The following PALM2AKAP2 variants were observed in gnomAD, a reference collection of about 807,000 sequenced individuals.
PALM2AKAP2 encodes PALM2 and AKAP2 fusion, also known as PALM2-AKAP2 fusion protein.
Under a neutral mutation model 71.5 loss-of-function variants are expected in PALM2AKAP2, and 37 were observed. That is an observed-to-expected ratio of 0.52 (90% CI 0.40 to 0.68). PALM2AKAP2 has a LOEUF of 0.68. Ranked by LOEUF, PALM2AKAP2 falls within the 30% of genes least tolerant of loss-of-function variation. The probability of loss-of-function intolerance (pLI) is 0.00; values close to 1 mark genes in which losing one functional copy is unlikely to be tolerated. For missense variants in PALM2AKAP2, 1,224 were observed against 1,191.8 expected (o/e 1.03, Z -0.40); for synonymous variants, 468 against 478.8 (o/e 0.98, Z 0.29).
chr9:110,044,532 A>G (rs1833563975), upstream of PALM2AKAP2, among the ~76,000 whole-genome samples: 1 of 149,926 alleles, frequency 6.7e-6, no homozygotes, highest in Non-Finnish European at 1.5e-5. Flanking sequence ...TTGTATTTTT[A>G]GTAGAGACGG....
intron 1 of PALM2AKAP2, among the ~76,000 whole-genome samples, chr9:109,712,335 A>G (rs912945374): frequency 6.6e-6 from 1 of 152,242 alleles, no homozygotes; most frequent in African/African-American, 2.4e-5. Flanking sequence ...CTTTTTGCTA[A>G]ACAGCAAGCT....
At chr9:109,738,929 T>C (rs1005411465) in intron 1 of PALM2AKAP2, among the ~76,000 whole-genome samples, 12 of 152,248 alleles carry the variant, frequency 7.9e-5, no homozygotes, top group Non-Finnish European at 1.3e-4. Flanking sequence ...GCCCAAAGGT[T>C]CAAAAATTGT....
At chr9:110,147,248 C>CAA (rs59763270) in intron 2 of PALM2AKAP2, among the ~76,000 whole-genome samples, 2,410 of 107,974 alleles carry the variant, frequency 0.022, 41 homozygotes, top group Non-Finnish European at 0.034. Flanking sequence ...GACTCTGTCT[C>CAA]AAAAAAAAAA....
At chr9:109,708,276 C>G (rs1828172804) in intron 1 of PALM2AKAP2, among the ~76,000 whole-genome samples, 1 of 152,122 alleles carries the variant, frequency 6.6e-6, no homozygotes, top group Non-Finnish European at 1.5e-5. Context: ...TCACATGCTA[C>G]AAGAGTAAGT....
At chr9:110,000,265 G>T (rs1257937591) in intron 6 of PALM2AKAP2, among the ~76,000 whole-genome samples, 1 of 149,546 alleles carries the variant, frequency 6.7e-6, no homozygotes, top group Admixed American at 6.8e-5. Context: ...ATGTGGTGTT[G>T]GGTTTTTTGT....
intron 3 of PALM2AKAP2, among the ~76,000 whole-genome samples, chr9:109,899,632 C>T (rs1372595004): frequency 6.6e-6 from 1 of 151,982 alleles, no homozygotes. Context: ...TATGATGTGA[C>T]CTCCTCTTAC....
chr9:109,982,642 G>A (rs993158476), intron 6 of PALM2AKAP2, among the ~76,000 whole-genome samples: 1 of 152,100 alleles, frequency 6.6e-6, no homozygotes, highest in Admixed American at 6.6e-5. Flanking sequence ...TAAAGAGAGA[G>A]AGAGACAGGG....
intron 1 of PALM2AKAP2, among the ~76,000 whole-genome samples, chr9:110,104,642 G>A (rs766806723): frequency 6.6e-6 from 1 of 152,142 alleles, no homozygotes; most frequent in Non-Finnish European, 1.5e-5. Context: ...CAAGATAGAG[G>A]GCTGCCAAAG....
chr9:110,125,144 G>A (rs191135519), intron 1 of PALM2AKAP2, among the ~76,000 whole-genome samples: 1 of 152,184 alleles, frequency 6.6e-6, no homozygotes, highest in African/African-American at 2.4e-5. Flanking sequence ...TCTAACTGGA[G>A]ATTTCTCCAG....
At chr9:109,743,536 G>A (rs1288870598) in intron 1 of PALM2AKAP2, among the ~76,000 whole-genome samples, 4 of 152,244 alleles carry the variant, frequency 2.6e-5, no homozygotes, top group South Asian at 4.2e-4. Context: ...TCTCAAGAAA[G>A]CTCACCTTAT....
intron 6 of PALM2AKAP2, among the ~76,000 whole-genome samples, chr9:110,011,473 TAA>T (rs1317219785): frequency 6.6e-6 from 1 of 152,150 alleles, no homozygotes; most frequent in Non-Finnish European, 1.5e-5. Flanking sequence ...AAGCTGATGT[TAA>T]AAGTCATTGC....
chr9:110,151,930 C>T (rs779807704), intron 2 of PALM2AKAP2, among the ~76,000 whole-genome samples: 5 of 152,230 alleles, frequency 3.3e-5, no homozygotes, highest in Middle Eastern at 3.4e-3. Flanking sequence ...GGATAGTGAC[C>T]GATGTCCTTC....
At chr9:109,890,486 G>A (rs1183673591) in intron 3 of PALM2AKAP2, among the ~76,000 whole-genome samples, 1 of 152,210 alleles carries the variant, frequency 6.6e-6, no homozygotes, top group South Asian at 2.1e-4. Context: ...CTTAGCCAAT[G>A]CATGCAAGGA....
At chr9:109,785,584 G>A (rs1370961307) in intron 1 of PALM2AKAP2, among the ~76,000 whole-genome samples, 2 of 152,212 alleles carry the variant, frequency 1.3e-5, no homozygotes, top group Non-Finnish European at 2.9e-5. Flanking sequence ...ATGGCAGAAG[G>A]TGAAAGGCAC....
At chr9:109,978,123 G>A (rs745733694) in intron 6 of PALM2AKAP2, among the ~76,000 whole-genome samples, 56 of 152,224 alleles carry the variant, frequency 3.7e-4, no homozygotes, top group Admixed American at 1.2e-3. Flanking sequence ...GTGGGTGAGT[G>A]GAAGGAGGGA....
At chr9:110,034,257 A>G (rs1253756776) in intron 7 of PALM2AKAP2, among the ~76,000 whole-genome samples, 1 of 152,150 alleles carries the variant, frequency 6.6e-6, no homozygotes, top group Non-Finnish European at 1.5e-5. Flanking sequence ...TCCTGGGCTC[A>G]AGCAATTCTC....
chr9:109,929,846 A>G (rs1026389822), intron 5 of PALM2AKAP2, among the ~76,000 whole-genome samples: 1 of 140,912 alleles, frequency 7.1e-6, no homozygotes, highest in Admixed American at 7.1e-5. Flanking sequence ...CCTGGGTGAC[A>G]GAGTGAGACT....
At chr9:109,734,936 A>G (rs1349837671) in intron 1 of PALM2AKAP2, among the ~76,000 whole-genome samples, 1 of 151,996 alleles carries the variant, frequency 6.6e-6, no homozygotes, top group East Asian at 1.9e-4. Flanking sequence ...AAGCCTCTCC[A>G]CTGCCATCTT....
chr9:110,143,382 A>T (rs981046246), intron 2 of PALM2AKAP2, among the ~76,000 whole-genome samples: 5 of 135,588 alleles, frequency 3.7e-5, no homozygotes, highest in Non-Finnish European at 6.1e-5. Flanking sequence ...TGATCGAACC[A>T]TTGTACTCCA....
Sources: allele counts gnomAD v4.1 joint callset (sites outside exome capture counted in the v4.1 genomes callset), GRCh38; gene constraint gnomAD v4.1.1; transcripts MANE v1.5; gene names NCBI Gene and HGNC (gene_info 2026-07-23, HGNC 2026-07-21).